Variants in MINAR1 observed in about 807,000 individuals in gnomAD.
The protein encoded by MINAR1 is major intrinsically disordered Notch2-binding receptor 1.
MINAR1 carries 40 observed loss-of-function variants against 65.1 expected under a neutral mutation model. The observed-to-expected ratio is 0.61, with a 90% CI of 0.48 to 0.80. The LOEUF is 0.80. Ranked by LOEUF, MINAR1 falls within the 30% of genes least tolerant of loss-of-function variation. The pLI is 0.00. For synonymous variants in MINAR1, 482 were observed against 449.1 expected, an observed-to-expected ratio of 1.07 and a Z score of -0.93; for missense variants, 1,128 against 1,148.0, an observed-to-expected ratio of 0.98 and a Z score of 0.25.
At chr15:79,413,210 A>T in the MINAR1 span, 1 of 152,238 alleles carries the variant, frequency 6.6e-6, no homozygotes, top group Non-Finnish European at 1.5e-5. Context: ...CAGGGTTCTG[A>T]ACCCGCACAT....
intron 2 of MINAR1, among the ~76,000 whole-genome samples, chr15:79,460,434 C>A (rs1310863626): frequency 6.6e-6 from 1 of 152,192 alleles, no homozygotes; most frequent in Non-Finnish European, 1.5e-5. Flanking sequence ...TTCTAGCAAT[C>A]CTCCAAACTG....
rs1022576769 is a variant in MINAR1 at position 79,456,373 on chromosome 15, C to G, written c.226C>G (p.Gln76Glu). 1.9e-6 allele frequency: 3 copies of G among 1,614,084 alleles called. No individual in the cohort carries two copies. Among genetic ancestry groups the G allele is most frequent in the Admixed American group, 3.3e-5 (2 of 59,998 alleles). Residue 76 changes from glutamine (Q) to glutamate (E), a missense_variant, in exon 2 of 4, where the codon CAG (glutamine) becomes GAG (glutamate). Gln to Glu is a conservative substitution (Grantham distance 29). Coordinates refer to ENST00000305428, the MANE Select transcript of MINAR1 (RefSeq NM_015206.3). Reference sequence around the variant, plus strand: ...CAAGATGAAATGCACTGTGAATAACCAGCAATCAAAGAAAATCATGGTGGC... The same window carrying G: ...CAAGATGAAATGCACTGTGAATAACGAGCAATCAAAGAAAATCATGGTGGC... The part of the protein sequence containing the change: ...KDKMKCTVNN[Q>E]QSKKIMVAAD...
intron 1 of MINAR1, among the ~76,000 whole-genome samples, chr15:79,452,857 GTC>G (rs1237849042): frequency 3.3e-5 from 5 of 149,894 alleles, no homozygotes; most frequent in African/African-American, 4.9e-5. Flanking sequence ...GTATGGGTGA[GTC>G]TGTGTGAGTG....
Position 79,456,450 on chromosome 15 carries a change from C to T in MINAR1, c.303C>T (p.Ala101=). The T allele has an allele frequency of 6.2e-7, 1 of 1,614,130 alleles. No individual in the cohort carries two copies. Among genetic ancestry groups the T allele is most frequent in the Non-Finnish European group, 8.5e-7 (1 of 1,180,030 alleles). ...FNLIQMNGGA[A]KEKLPTGRQK... The stretch of plus-strand genomic sequence containing the variant: ...TGATCCAAATGAATGGCGGGGCTGC[C>T]AAGGAGAAGCTGCCCACGGGCCGCC... The change falls in exon 2 of 4, where the codon GCC becomes GCT. Residue 101 remains alanine (A), a synonymous_variant. Transcript: ENST00000305428.
In MINAR1 at chr15:79,457,719, T is replaced by C. The variant is rs776305089; in HGVS notation, c.1572T>C (p.Phe524=). The C allele has an allele frequency of 2.4e-5, 39 of 1,614,078 alleles. No homozygotes were observed. Among genetic ancestry groups the C allele is most frequent in the Middle Eastern group, 1.6e-4 (1 of 6,084 alleles). ...ACGACATCAGTGACATTTTCCGATT[T>C]CTTGATGACATGAGCATCAGTGGCT... ...VSDDISDIFR[F]LDDMSISGST... is the part of the protein sequence containing the mutation. The change falls in exon 2 of 4, where the codon TTT becomes TTC. Residue 524 remains phenylalanine, a synonymous_variant. Coordinates refer to ENST00000305428, the MANE Select transcript of MINAR1 (RefSeq NM_015206.3).
At chr15:79,462,241 T>C (rs557914260) in intron 2 of MINAR1, among the ~76,000 whole-genome samples, 1 of 152,156 alleles carries the variant, frequency 6.6e-6, no homozygotes, top group Non-Finnish European at 1.5e-5. Context: ...AGGAGCCAGA[T>C]GGGCAAACAG....
intron 1 of MINAR1, among the ~76,000 whole-genome samples, chr15:79,439,244 T>C (rs1595933152): frequency 2.1e-4 from 1 of 4,770 alleles, no homozygotes; most frequent in African/African-American, 8.6e-4. Context: ...GGTTGTGGGG[T>C]GTGGGTGGGG....
chr15:79,455,863 G>A (rs1215501132), intron 1 of MINAR1, among the ~76,000 whole-genome samples: 1 of 152,140 alleles, frequency 6.6e-6, no homozygotes, highest in Non-Finnish European at 1.5e-5. Context: ...TATTACAAGT[G>A]CCATCATAGT....
chr15:79,453,240 C>T (rs1404326749), intron 1 of MINAR1, among the ~76,000 whole-genome samples: 1 of 152,098 alleles, frequency 6.6e-6, no homozygotes, highest in Non-Finnish European at 1.5e-5. Flanking sequence ...GGCTCTTCCA[C>T]CCCTCATTCA....
chr15:79,451,433 G>A (rs999265186), intron 1 of MINAR1, among the ~76,000 whole-genome samples: 17 of 152,168 alleles, frequency 1.1e-4, no homozygotes, highest in Non-Finnish European at 1.5e-4. Context: ...TCCAGGAGCC[G>A]GCGTGGGTGA....
chr15:79,419,638 G>T, the MINAR1 span: 1 of 152,164 alleles, frequency 6.6e-6, no homozygotes, highest in Non-Finnish European at 1.5e-5. Context: ...ACAGAAGAAA[G>T]ATATTTTATA....
At chr15:79,428,272 C>CTTTCCTTCCTTTCTTT (rs1215681601), upstream of MINAR1, among the ~76,000 whole-genome samples, 1 of 112,916 alleles carries the variant, frequency 8.9e-6, no homozygotes, top group Non-Finnish European at 1.8e-5. Context: ...TTCCTTTCTT[C>CTTTCCTTCCTTTCTTT]TCCCTCTCTC....
intron 1 of MINAR1, among the ~76,000 whole-genome samples, chr15:79,451,111 A>ATTG (rs1895180696): frequency 2.0e-5 from 3 of 152,072 alleles, no homozygotes; most frequent in African/African-American, 7.2e-5. Context: ...TGCCTTTCAC[A>ATTG]AACCTCATCC....
At chr15:79,433,353 G>T (rs1321720494) in intron 1 of MINAR1, among the ~76,000 whole-genome samples, 1 of 152,244 alleles carries the variant, frequency 6.6e-6, no homozygotes, top group African/African-American at 2.4e-5. Flanking sequence ...GCGGCTGGTA[G>T]CCTGTGTTAA....
At position 79,464,906 on chromosome 15, in the gene MINAR1, C is replaced by T. The variant is rs781480041; in HGVS notation, c.2553+1585C>T. ...GTGGAATATTTCATGATTCTCCCTC[C>T]GGTGGAATATTTCATCAGTATCACT... On this transcript the variant is annotated intron_variant, in intron 3 of 3. Coordinates refer to ENST00000305428, the MANE Select transcript of MINAR1 (RefSeq NM_015206.3). 6.7e-4 allele frequency among the ~76,000 whole-genome samples: 94 copies of T among 140,982 alleles called. 1 individual carries two copies. Among genetic ancestry groups the T allele is most frequent in the African/African-American group, 1.9e-3 (71 of 36,596 alleles). 92.5% of individuals were successfully genotyped at this position (140,982 alleles called of 152,430 possible). A position where few individuals can be genotyped will look rare whatever the true frequency, so the allele number is the denominator to read the frequency against.
the MINAR1 span, chr15:79,414,482 G>C: frequency 6.6e-6 from 1 of 152,238 alleles, no homozygotes; most frequent in East Asian, 1.9e-4. Flanking sequence ...TGTAGTCATG[G>C]TTGAAACTAT....
chr15:79,443,599 T>C (rs578078737), intron 1 of MINAR1, among the ~76,000 whole-genome samples: 1 of 152,378 alleles, frequency 6.6e-6, no homozygotes, highest in African/African-American at 2.4e-5. Flanking sequence ...ATCAATGATA[T>C]GATAGATCCA....
In MINAR1 at chr15:79,461,554, A is replaced by T. The variant is rs138727968; in HGVS notation, c.2299-1513A>T. 8.6e-3 allele frequency among the ~76,000 whole-genome samples: 1,307 copies of T among 152,310 alleles called. 10 individuals are homozygous for T. Among genetic ancestry groups the T allele is most frequent in the Non-Finnish European group, 0.014 (931 of 68,038 alleles). On this transcript the variant is annotated intron_variant, in intron 2 of 3. Coordinates refer to ENST00000305428, the MANE Select transcript of MINAR1 (RefSeq NM_015206.3). The stretch of plus-strand genomic sequence containing the variant: ...AAAAACTGGTGAAGTCTCTTAGAAG[A>T]TACTTGGCTTTGATGAGTTAGAAAA...
chr15:79,451,990 GAGAA>G (rs1418039963), intron 1 of MINAR1, among the ~76,000 whole-genome samples: 1 of 152,116 alleles, frequency 6.6e-6, no homozygotes, highest in Non-Finnish European at 1.5e-5. Flanking sequence ...ACACCTAGGA[GAGAA>G]AGAGTGTGGA....
Sources: gnomAD v4.1 joint callset for allele counts (sites outside exome capture counted in the v4.1 genomes callset) on GRCh38, gnomAD v4.1.1 for gene constraint, MANE v1.5 for transcripts, NCBI Gene and HGNC (gene_info 2026-07-23, HGNC 2026-07-21) for gene names.